Variants in CYFIP2 observed in about 807,000 individuals in gnomAD.
The protein encoded by CYFIP2 is cytoplasmic FMR1 interacting protein 2, also known as cytoplasmic FMR1-interacting protein 2.
CYFIP2 carries 29 observed loss-of-function variants against 158.7 expected under a neutral mutation model. That is an observed-to-expected ratio of 0.18 (90% CI 0.14 to 0.25). CYFIP2 has a LOEUF of 0.25. CYFIP2 is among the 10% of genes least tolerant of loss of function. The probability of loss-of-function intolerance (pLI) is 1.00; values close to 1 mark genes in which losing one functional copy is unlikely to be tolerated. For synonymous variants in CYFIP2, 585 were observed against 617.6 expected, an observed-to-expected ratio of 0.95 and a Z score of 0.78; for missense variants, 852 against 1,639.5, an observed-to-expected ratio of 0.52 and a Z score of 8.29.
At chr5:157,359,993 C>T (rs1763693023) in intron 24 of CYFIP2, among the ~76,000 whole-genome samples, 1 of 152,228 alleles carries the variant, frequency 6.6e-6, no homozygotes, top group Non-Finnish European at 1.5e-5. Context: ...GCACAATTTC[C>T]TGGCTCCATT....
intron 23 of CYFIP2, chr5:157,342,813 T>C: frequency 6.5e-7 from 1 of 1,537,434 alleles, no homozygotes; most frequent in Non-Finnish European, 8.8e-7. Flanking sequence ...AACGACCTAC[T>C]GTGTGGAAAG....
At chr5:157,318,152 T>C (rs553565901) in intron 13 of CYFIP2, among the ~76,000 whole-genome samples, 9 of 152,362 alleles carry the variant, frequency 5.9e-5, no homozygotes, top group African/African-American at 1.7e-4. Flanking sequence ...CGCAAATATT[T>C]TTTCTCATCA....
chr5:157,379,713 G>A (rs188157965), intron 26 of CYFIP2, among the ~76,000 whole-genome samples: 69 of 144,484 alleles, frequency 4.8e-4, no homozygotes, highest in Middle Eastern at 7.5e-3. Flanking sequence ...GACGCAGATG[G>A]TTTCACTTGT....
rs1428655997 is a variant in CYFIP2, at chr5:157,287,016, C to T, written c.118-3C>T. The T allele has an allele frequency of 2.5e-6, 4 of 1,612,554 alleles. No homozygotes were observed. The Admixed American group carries it at 6.7e-5, about 27-fold the overall frequency. On this transcript the variant is annotated splice_polypyrimidine_tract_variant and splice_region_variant and intron_variant, in intron 2 of 30. Coordinates refer to ENST00000620254, the MANE Select transcript of CYFIP2 (RefSeq NM_001037333.3). ...AAAATGTTCCTGTCCTCTAATTCCACAGGCTAACTTTGACACAAACTTTGA... is the reference window on the plus strand; with the variant it reads ...AAAATGTTCCTGTCCTCTAATTCCATAGGCTAACTTTGACACAAACTTTGA...
At chr5:157,329,368 C>G (rs1198105281) in intron 19 of CYFIP2, among the ~76,000 whole-genome samples, 1 of 152,218 alleles carries the variant, frequency 6.6e-6, no homozygotes, top group Non-Finnish European at 1.5e-5. Context: ...TCAGGCGTGT[C>G]GAACCCTGGG....
chr5:157,290,644 C>T (rs1184152586), intron 3 of CYFIP2, among the ~76,000 whole-genome samples: 1 of 152,220 alleles, frequency 6.6e-6, no homozygotes, highest in Non-Finnish European at 1.5e-5. Context: ...TCTGCCTACA[C>T]AGGGAGAGTG....
chr5:157,270,117 A>T (rs1755964041), intron 1 of CYFIP2, among the ~76,000 whole-genome samples: 1 of 152,224 alleles, frequency 6.6e-6, no homozygotes, highest in South Asian at 2.1e-4. Context: ...GCAGTGAGAG[A>T]GGGAAGTAAA....
intron 3 of CYFIP2, among the ~76,000 whole-genome samples, chr5:157,290,484 C>G (rs1004732285): frequency 1.3e-5 from 2 of 152,260 alleles, no homozygotes; most frequent in African/African-American, 4.8e-5. Context: ...ACTGGGCTCC[C>G]CAGGATAATC....
chr5:157,281,648 A>G (rs755828287), intron 1 of CYFIP2, among the ~76,000 whole-genome samples: 2 of 152,170 alleles, frequency 1.3e-5, no homozygotes, highest in Non-Finnish European at 2.9e-5. Flanking sequence ...ATAGTACAAC[A>G]TATATATACA....
intron 15 of CYFIP2, among the ~76,000 whole-genome samples, chr5:157,323,254 G>C (rs148509067): frequency 1.3e-5 from 2 of 152,154 alleles, no homozygotes; most frequent in Non-Finnish European, 2.9e-5. Context: ...ATGTTAACCC[G>C]CCTTCCACCC....
chr5:157,348,165 A>G (rs1762825268), intron 23 of CYFIP2, among the ~76,000 whole-genome samples: 1 of 152,254 alleles, frequency 6.6e-6, no homozygotes, highest in East Asian at 1.9e-4. Context: ...ATCAGCTAGG[A>G]GCAAGGTTCT....
chr5:157,344,083 C>T (rs897561541), intron 23 of CYFIP2, among the ~76,000 whole-genome samples: 2 of 152,076 alleles, frequency 1.3e-5, no homozygotes, highest in African/African-American at 4.8e-5. Flanking sequence ...AGTGGAAATT[C>T]GCTTCGTCAC....
rs976757942 is a variant in CYFIP2, at chr5:157,333,870, G to A, written c.2385+424G>A. Among the ~76,000 whole-genome samples, 4 of 152,104 alleles carry A rather than the reference G, an allele frequency of 2.6e-5. No individual in the cohort carries two copies. In the South Asian group the frequency reaches 6.2e-4, roughly 24 times the overall value. ...TATCTTGAAATTCTTAAACAAGGGG[G>A]CCCCACATTTTCATTAAACATTGCA... On this transcript the variant is annotated intron_variant, in intron 21 of 30. Transcript: ENST00000620254.
Position 157,343,060 on chromosome 5 carries a change from C to T in CYFIP2, c.2673+1903C>T, listed in dbSNP as rs144220086. On this transcript the variant is annotated intron_variant, in intron 23 of 30. Coordinates refer to ENST00000620254, the MANE Select transcript of CYFIP2 (RefSeq NM_001037333.3). ...GATCCGGGGCCTCCTCTGGCCATCTCACCAACCCATTGGCCTCCTCCATGT... is the reference window on the plus strand; with the variant it reads ...GATCCGGGGCCTCCTCTGGCCATCTTACCAACCCATTGGCCTCCTCCATGT... 1,131 of 1,614,202 alleles carry T rather than the reference C, an allele frequency of 7.0e-4. 4 individuals are homozygous for T. The African/African-American group carries it at 0.012, about 17-fold the overall frequency.
chr5:157,323,721 C>T (rs1469581274), intron 15 of CYFIP2, among the ~76,000 whole-genome samples, 200 bp from the exon 16 acceptor site: 13 of 152,342 alleles, frequency 8.5e-5, no homozygotes, highest in Middle Eastern at 3.4e-3. Flanking sequence ...AGGGATGCCA[C>T]GGGGCCCGGG....
chr5:157,366,116 T>TAAAC (rs777498294), intron 26 of CYFIP2, among the ~76,000 whole-genome samples: 1 of 152,232 alleles, frequency 6.6e-6, no homozygotes, highest in Admixed American at 6.5e-5. Context: ...TGCAGCCTCA[T>TAAAC]AAACAATTTG....
chr5:157,345,870 C>A (rs1483909222), intron 23 of CYFIP2: 1 of 152,222 alleles, frequency 6.6e-6, no homozygotes, highest in Non-Finnish European at 1.5e-5. Context: ...AGTACTAATT[C>A]TTCTAACACT....
chr5:157,301,418 G>T (rs1340381278), intron 6 of CYFIP2, among the ~76,000 whole-genome samples: 1 of 152,166 alleles, frequency 6.6e-6, no homozygotes, highest in Non-Finnish European at 1.5e-5. Flanking sequence ...GTGGCTTCCA[G>T]CAGCTTTCCT....
At position 157,296,481 on chromosome 5, in the gene CYFIP2, C is replaced by T. The variant is rs551227792; in HGVS notation, c.286-192C>T. 1.0e-4 allele frequency: 60 copies of T among 588,362 alleles called. No individual in the cohort carries two copies. In the East Asian group the frequency reaches 1.7e-3, roughly 16 times the overall value. The allele number at this position is 588,362 out of a possible 1,614,324, so 36.4% of individuals were successfully genotyped here. Reference sequence around the variant, plus strand: ...TAGTGTTGCATGCCTGAAGTCCCACCTACTTGGCAGGCTGAGTTGGGAGGA... The same window carrying T: ...TAGTGTTGCATGCCTGAAGTCCCACTTACTTGGCAGGCTGAGTTGGGAGGA... On this transcript the variant is annotated intron_variant, in intron 4 of 30. Coordinates refer to ENST00000620254, the MANE Select transcript of CYFIP2 (RefSeq NM_001037333.3).
Sources: allele counts gnomAD v4.1 joint callset (sites outside exome capture counted in the v4.1 genomes callset), GRCh38; gene constraint gnomAD v4.1.1; transcripts MANE v1.5; gene names NCBI Gene and HGNC (gene_info 2026-07-23, HGNC 2026-07-21).